GRM8: variants seen among roughly 807,000 people sequenced by gnomAD.
GRM8 encodes the protein glutamate metabotropic receptor 8.
In GRM8, 47 loss-of-function variants were observed where a neutral mutation model predicts 87.2. That is an observed-to-expected ratio of 0.54 (90% CI 0.43 to 0.69). GRM8 has a LOEUF of 0.69. GRM8 is among the 30% of genes least tolerant of loss of function. The pLI is 0.00. For missense variants in GRM8, 1,019 were observed against 1,139.2 expected (o/e 0.89, Z 1.52); for synonymous variants, 396 against 404.5 (o/e 0.98, Z 0.25).
chr7:126,585,122 C>T (rs1159919610), intron 8 of GRM8, among the ~76,000 whole-genome samples: 3 of 152,018 alleles, frequency 2.0e-5, no homozygotes, highest in Non-Finnish European at 4.4e-5. Flanking sequence ...ATTAGAGTAC[C>T]TTTTAACTAT....
chr7:126,699,553 T>A (rs941303225), intron 7 of GRM8, among the ~76,000 whole-genome samples: 3 of 152,186 alleles, frequency 2.0e-5, no homozygotes, highest in African/African-American at 4.8e-5. Flanking sequence ...GTTCATACAT[T>A]ATTTTTATCA....
intron 7 of GRM8, among the ~76,000 whole-genome samples, chr7:126,634,705 T>A (rs1162697197): frequency 6.6e-6 from 1 of 152,112 alleles, no homozygotes; most frequent in African/African-American, 2.4e-5. Context: ...TTGTACATTT[T>A]CATCATCTCC....
intron 3 of GRM8, among the ~76,000 whole-genome samples, chr7:127,055,595 T>C (rs1171942426): frequency 6.6e-6 from 1 of 152,132 alleles, no homozygotes; most frequent in Non-Finnish European, 1.5e-5. Flanking sequence ...AAAAGACTTA[T>C]TCACATTACT....
At chr7:127,167,618 T>A (rs1793532234) in intron 2 of GRM8, among the ~76,000 whole-genome samples, 1 of 152,138 alleles carries the variant, frequency 6.6e-6, no homozygotes, top group Non-Finnish European at 1.5e-5. Context: ...CTGTGATCAG[T>A]GACTTTTGAT....
chr7:126,614,275 G>C (rs1433678781), intron 7 of GRM8, among the ~76,000 whole-genome samples: 1 of 152,174 alleles, frequency 6.6e-6, no homozygotes. Flanking sequence ...AGGGTCTGGA[G>C]TGGACCTCCA....
In GRM8 at chr7:127,124,861, C is replaced by T. The variant is rs28951996; in HGVS notation, c.511-18149G>A. 5.3e-5 allele frequency among the ~76,000 whole-genome samples: 8 copies of T among 152,124 alleles called. No homozygotes were observed. The East Asian group carries it at 1.5e-3, about 29-fold the overall frequency. On this transcript the variant is annotated intron_variant, in intron 2 of 10. Coordinates refer to ENST00000339582, the MANE Select transcript of GRM8 (RefSeq NM_000845.3). Reference sequence around the variant, plus strand: ...AATAAACAATGACAAGGAATGTAATCAATTCACCATATTAACGGTATAAAT... The same window carrying T: ...AATAAACAATGACAAGGAATGTAATTAATTCACCATATTAACGGTATAAAT...
intron 7 of GRM8, among the ~76,000 whole-genome samples, chr7:126,672,138 A>T (rs540839021): frequency 6.6e-6 from 1 of 152,326 alleles, no homozygotes; most frequent in South Asian, 2.1e-4. Context: ...ATAAATGAGG[A>T]CTAAGGAACT....
intron 6 of GRM8, among the ~76,000 whole-genome samples, chr7:126,821,779 A>T (rs1794324939): frequency 6.6e-6 from 1 of 152,210 alleles, no homozygotes; most frequent in African/African-American, 2.4e-5. Flanking sequence ...CTAGGAAATT[A>T]TCATCAGTGC....
intron 9 of GRM8, among the ~76,000 whole-genome samples, chr7:126,521,656 A>G (rs1470959061): frequency 6.6e-6 from 1 of 152,218 alleles, no homozygotes; most frequent in Non-Finnish European, 1.5e-5. Flanking sequence ...GTTGTGGTAA[A>G]GAAAAAAATA....
intron 7 of GRM8, among the ~76,000 whole-genome samples, chr7:126,726,736 A>C (rs1416227391): frequency 6.6e-6 from 1 of 152,160 alleles, no homozygotes; most frequent in East Asian, 1.9e-4. Context: ...AAAAATTGGT[A>C]TATCTTACTG....
intron 8 of GRM8, among the ~76,000 whole-genome samples, chr7:126,549,382 A>T (rs1792315534): frequency 6.6e-6 from 1 of 152,148 alleles, no homozygotes; most frequent in Non-Finnish European, 1.5e-5. Flanking sequence ...AAGCCCAATA[A>T]AATTCAAGCA....
chr7:126,692,006 T>A (rs1014219382), intron 7 of GRM8, among the ~76,000 whole-genome samples: 1 of 152,152 alleles, frequency 6.6e-6, no homozygotes, highest in Non-Finnish European at 1.5e-5. Context: ...TCTTTCTCAA[T>A]GGCAAGTTTA....
chr7:126,928,066 C>A (rs1203885011), intron 3 of GRM8, among the ~76,000 whole-genome samples: 1 of 152,006 alleles, frequency 6.6e-6, no homozygotes, highest in Non-Finnish European at 1.5e-5. Context: ...ATGTCCTTTG[C>A]AGGGACATGG....
intron 3 of GRM8, among the ~76,000 whole-genome samples, chr7:126,951,089 T>C (rs1384413569): frequency 6.6e-6 from 1 of 152,100 alleles, no homozygotes; most frequent in Non-Finnish European, 1.5e-5. Flanking sequence ...TTAATGAAGA[T>C]CTCTTTGAAT....
intron 7 of GRM8, among the ~76,000 whole-genome samples, chr7:126,657,698 T>C (rs1469864950): frequency 6.6e-6 from 1 of 152,266 alleles, no homozygotes; most frequent in Non-Finnish European, 1.5e-5. Flanking sequence ...TCAGTAAAAC[T>C]ACTTTGTTTG....
At chr7:126,872,659 G>C (rs983308522) in intron 6 of GRM8, among the ~76,000 whole-genome samples, 7 of 152,122 alleles carry the variant, frequency 4.6e-5, no homozygotes, top group Admixed American at 3.9e-4. Flanking sequence ...TTTAAGGTCA[G>C]AACTATGCTA....
At chr7:126,712,081 C>T (rs1437634982) in intron 7 of GRM8, among the ~76,000 whole-genome samples, 5 of 152,170 alleles carry the variant, frequency 3.3e-5, no homozygotes, top group African/African-American at 9.7e-5. Context: ...GCTTAGCTTT[C>T]GCCCTGTCTC....
At chr7:126,811,713 T>G (rs1793312462) in intron 6 of GRM8, among the ~76,000 whole-genome samples, 2 of 152,100 alleles carry the variant, frequency 1.3e-5, no homozygotes, top group Admixed American at 1.3e-4. Context: ...TTGTTGATTT[T>G]GTACCCTGAA....
chr7:127,242,324 A>G (rs1450659817), intron 2 of GRM8, among the ~76,000 whole-genome samples: 1 of 152,230 alleles, frequency 6.6e-6, no homozygotes, highest in Non-Finnish European at 1.5e-5. Flanking sequence ...CAAATACCAT[A>G]GAAATGTTTT....
Sources: allele counts gnomAD v4.1 joint callset (sites outside exome capture counted in the v4.1 genomes callset), GRCh38; gene constraint gnomAD v4.1.1; transcripts MANE v1.5; gene names NCBI Gene and HGNC (gene_info 2026-07-23, HGNC 2026-07-21).